RET: variants seen among roughly 807,000 people sequenced by gnomAD.
The protein encoded by RET is proto-oncogene tyrosine-protein kinase receptor Ret.
In RET, 19 loss-of-function variants were observed where a neutral mutation model predicts 118.3. The ratio of observed to expected loss-of-function variants is 0.16; its 90% CI spans 0.11 to 0.24. RET has a LOEUF of 0.24. Among genes scored for constraint, RET ranks in the 10% least tolerant of loss-of-function variants. The probability of loss-of-function intolerance (pLI) is 1.00; values close to 1 mark genes in which losing one functional copy is unlikely to be tolerated. For synonymous variants in RET, 597 were observed against 644.1 expected, an observed-to-expected ratio of 0.93 and a Z score of 1.11; for missense variants, 1,219 against 1,502.1, an observed-to-expected ratio of 0.81 and a Z score of 3.12.
chr10:43,124,287 G>A (rs752348822), intron 17 of RET, among the ~76,000 whole-genome samples: 1 of 152,112 alleles, frequency 6.6e-6, no homozygotes, highest in Non-Finnish European at 1.5e-5. Context: ...GAGATGCATG[G>A]TACATGCATT....
At chr10:43,085,882 G>T (rs542217212) in intron 1 of RET, among the ~76,000 whole-genome samples, 4 of 152,288 alleles carry the variant, frequency 2.6e-5, no homozygotes, top group African/African-American at 9.6e-5. Context: ...CTGTGACCTG[G>T]GGCATCAGGA....
At chr10:43,122,855 C>T (rs1376661602) in intron 16 of RET, among the ~76,000 whole-genome samples, 1 of 152,168 alleles carries the variant, frequency 6.6e-6, no homozygotes, top group East Asian at 1.9e-4. Context: ...AATGATCCAC[C>T]CACCTCAGCC....
At chr10:43,124,757 C>T in intron 17 of RET, 126 bp from the exon 18 acceptor site, 2 of 928,244 alleles carry the variant, frequency 2.2e-6, no homozygotes, top group Non-Finnish European at 3.5e-6. Flanking sequence ...GCAGAAATAG[C>T]TTTGGAGTTG....
chr10:43,109,967 TGGCGCCTCCTCTTCA>T (rs1319207783), intron 6 of RET, among the ~76,000 whole-genome samples: 3 of 152,228 alleles, frequency 2.0e-5, no homozygotes, highest in Admixed American at 2.0e-4. Flanking sequence ...GAGCAGCCCG[TGGCGCCTCCTCTTCA>T]GGGGCCATCT....
At chr10:43,091,822 CAA>C (rs60545334) in intron 1 of RET, among the ~76,000 whole-genome samples, 48,029 of 114,762 alleles carry the variant, frequency 0.42, 8,400 homozygotes, top group South Asian at 0.5. Flanking sequence ...TGTCTACTAT[CAA>C]AAAAAAAAAA....
chr10:43,124,284 A>C (rs894660649), intron 17 of RET, among the ~76,000 whole-genome samples: 3 of 152,130 alleles, frequency 2.0e-5, no homozygotes, highest in African/African-American at 7.2e-5. Context: ...GCAGAGATGC[A>C]TGGTACATGC....
chr10:43,117,117 G>C (rs1838090857), intron 12 of RET, among the ~76,000 whole-genome samples: 1 of 152,206 alleles, frequency 6.6e-6, no homozygotes, highest in African/African-American at 2.4e-5. Flanking sequence ...ACCCCCATGG[G>C]CCTGTCTGGC....
chr10:43,101,628 T>C (rs928001999), intron 2 of RET, among the ~76,000 whole-genome samples: 1 of 152,202 alleles, frequency 6.6e-6, no homozygotes, highest in African/African-American at 2.4e-5. Flanking sequence ...GGGGCCAGTG[T>C]GGAATTTGCC....
intron 3 of RET, 111 bp from the exon 4 acceptor site, chr10:43,104,841 G>A (rs1837722393): frequency 6.7e-7 from 1 of 1,482,892 alleles, no homozygotes; most frequent in Non-Finnish European, 9.0e-7. Context: ...GGAGGCCTGG[G>A]GCCGCGGCGG....
At chr10:43,091,629 CAAAA>C (rs570828319) in intron 1 of RET, among the ~76,000 whole-genome samples, 1 of 88,114 alleles carries the variant, frequency 1.1e-5, no homozygotes, top group Admixed American at 1.3e-4. Flanking sequence ...AGACTCCATA[CAAAA>C]AAAAAAAAAA....
chr10:43,080,705 A>G (rs1424658295), intron 1 of RET, among the ~76,000 whole-genome samples: 1 of 152,244 alleles, frequency 6.6e-6, no homozygotes, highest in South Asian at 2.1e-4. Flanking sequence ...GGCACCATGC[A>G]CAGACGCTGA....
Position 43,123,766 on chromosome 10 carries a change from C to T in RET, c.2897C>T (p.Thr966Ile), listed in dbSNP as rs760765930. The stretch of plus-strand genomic sequence containing the variant: ...GAGCGGCTCTTCAACCTTCTGAAGA[C>T]CGGCCACCGGATGGAGAGGCCAGAC... ...PPERLFNLLK[T>I]GHRMERPDNC... Residue 966 changes from threonine (T) to isoleucine (I), a missense_variant, in exon 17 of 20, where the codon ACC (threonine) becomes ATC (isoleucine). Physicochemically the swap from Thr to Ile is moderately conservative, Grantham distance 89 (BLOSUM62 -1). Transcript: ENST00000355710. 1.9e-6 allele frequency: 3 copies of T among 1,614,126 alleles called. No homozygotes were observed. The East Asian group carries it at 6.7e-5, about 36-fold the overall frequency.
At chr10:43,116,845 C>T (rs576743947) in intron 12 of RET, 114 bp downstream of exon 12, 203 of 1,353,190 alleles carry the variant, frequency 1.5e-4, no homozygotes, top group Non-Finnish European at 1.8e-4. Flanking sequence ...TGTTCTAGAG[C>T]GGCTGCAGTT....
chr10:43,111,636 T>C (rs896043599), intron 7 of RET, among the ~76,000 whole-genome samples, 171 bp downstream of exon 7: 2 of 152,250 alleles, frequency 1.3e-5, no homozygotes, highest in African/African-American at 4.8e-5. Context: ...TCCTTCCAGA[T>C]AACATACAGG....
At chr10:43,121,095 A>G (rs922546288) in intron 15 of RET, among the ~76,000 whole-genome samples, 3 of 152,162 alleles carry the variant, frequency 2.0e-5, no homozygotes, top group African/African-American at 7.2e-5. Flanking sequence ...TGTGGGGGGA[A>G]GTGGTAGGGG....
At chr10:43,126,776 A>ATCCT (rs1283210097) in intron 19 of RET, 54 bp downstream of exon 19, 6 of 1,600,880 alleles carry the variant, frequency 3.7e-6, no homozygotes, top group Non-Finnish European at 4.3e-6. Flanking sequence ...CCTTTGCACT[A>ATCCT]TCCTTCCTCT....
chr10:43,129,890 T>C lies in RET; in HGVS notation c.*1621T>C, dbSNP rs1838411980. On this transcript the variant is annotated 3_prime_UTR_variant, in exon 20 of 20. Coordinates refer to ENST00000355710, the MANE Select transcript of RET (RefSeq NM_020975.6). ...ACTGTGATAAGTTCTTTTACAAATA[T>C]CTATAGACATGGTAAACTTTTGGTT... is the stretch of plus-strand genomic sequence containing the variant. The C allele has an allele frequency of 5.0e-6, 2 of 398,832 alleles. No homozygotes were observed. The highest frequency in any genetic ancestry group is 8.9e-6 in the Non-Finnish European group (2 of 225,950). 24.7% of individuals were successfully genotyped at this position (398,832 alleles called of 1,614,324 possible). A position where few individuals can be genotyped will look rare whatever the true frequency, so the allele number is the denominator to read the frequency against.
In RET at chr10:43,077,208, C is replaced by T. The variant is rs765384640; in HGVS notation, c.-51C>T. 2.2e-4 allele frequency: 324 copies of T among 1,456,584 alleles called. No homozygotes were observed. In the East Asian group the frequency reaches 8.9e-3, roughly 40 times the overall value. 90.2% of individuals were successfully genotyped at this position (1,456,584 alleles called of 1,614,324 possible). The stretch of plus-strand genomic sequence containing the variant: ...GAGCGCCGCACCCGCCATCCAGACC[C>T]GCCGGCCCTAGCCGCAGTCCCTCCA... On this transcript the variant is annotated 5_prime_UTR_variant, in exon 1 of 20. Coordinates refer to ENST00000355710, the MANE Select transcript of RET (RefSeq NM_020975.6).
Position 43,077,118 on chromosome 10 carries a change from G to A in RET, c.-141G>A. The A allele has an allele frequency of 8.5e-7, 1 of 1,183,326 alleles. No homozygotes were observed. The allele number at this position is 1,183,326 out of a possible 1,614,324, so 73.3% of individuals were successfully genotyped here. ...GCAGCAGCGCTGAGTGCCCCGGAAC[G>A]TGCGTCGCGCCCCCAGTGTCCGTCG... On this transcript the variant is annotated 5_prime_UTR_variant, in exon 1 of 20. It adds an upstream start codon to the 5' untranslated region. Transcript: ENST00000355710.
Sources: gnomAD v4.1 joint callset for allele counts (sites outside exome capture counted in the v4.1 genomes callset) on GRCh38, gnomAD v4.1.1 for gene constraint, MANE v1.5 for transcripts, NCBI Gene and HGNC (gene_info 2026-07-23, HGNC 2026-07-21) for gene names.